USP39: variants seen among roughly 807,000 people sequenced by gnomAD.
USP39 encodes ubiquitin specific peptidase 39.
USP39 carries 38 observed loss-of-function variants against 66.4 expected under a neutral mutation model. The observed-to-expected ratio is 0.57, with a 90% CI of 0.44 to 0.75. The LOEUF (loss-of-function observed/expected upper bound fraction) is 0.75. USP39 is among the 30% of genes least tolerant of loss of function. The pLI is 0.00. For missense variants in USP39, 608 were observed against 714.4 expected (o/e 0.85, Z 1.70); for synonymous variants, 303 against 274.6 (o/e 1.10, Z -1.02).
chr2:85,611,934 C>T (rs759213616), upstream of USP39: 9 of 1,585,756 alleles, frequency 5.7e-6, no homozygotes, highest in South Asian at 1.1e-5. Flanking sequence ...TGTCCAGCCG[C>T]CCCCCAGGCT....
intron 11 of USP39, 185 bp downstream of exon 11, chr2:85,645,268 C>A: frequency 1.5e-6 from 1 of 650,434 alleles, no homozygotes; most frequent in Non-Finnish European, 2.5e-6. Context: ...ATTGGACTCA[C>A]CTTGGGAGCT....
chr2:85,612,006 C>G (rs1179701379), upstream of USP39: 8 of 1,483,226 alleles, frequency 5.4e-6, no homozygotes, highest in Non-Finnish European at 7.1e-6. Context: ...GACGCAGAGT[C>G]GCCGCCGCCT....
At chr2:85,647,660 A>G (rs79302333) in intron 11 of USP39, among the ~76,000 whole-genome samples, 2 of 148,780 alleles carry the variant, frequency 1.3e-5, no homozygotes, top group Non-Finnish European at 1.5e-5. Flanking sequence ...CCCTGTCTCA[A>G]AAAAAAAAAA....
At chr2:85,622,122 A>ATT in intron 3 of USP39, among the ~76,000 whole-genome samples, 1 of 141,426 alleles carries the variant, frequency 7.1e-6, no homozygotes. Context: ...GCCCGGCCTA[A>ATT]TTTTTTTTTT....
intron 12 of USP39, 114 bp downstream of exon 12, chr2:85,648,130 T>C (rs1434358484): frequency 1.9e-6 from 2 of 1,065,634 alleles, no homozygotes; most frequent in Admixed American, 3.9e-5. Flanking sequence ...GAGGGCCAGG[T>C]ACCTATTGGG....
upstream of USP39, chr2:85,609,622 G>C (rs770826758): frequency 1.9e-6 from 3 of 1,612,380 alleles, no homozygotes; most frequent in Non-Finnish European, 2.5e-6. Flanking sequence ...AGAAGAGGGG[G>C]GGTGCTGCTG....
chr2:85,617,607 A>G (rs1000382429), intron 1 of USP39, among the ~76,000 whole-genome samples: 29 of 152,190 alleles, frequency 1.9e-4, no homozygotes, highest in Admixed American at 9.2e-4. Flanking sequence ...AGGATGAGGT[A>G]GAGTTCAAGA....
chr2:85,627,643 A>T (rs1674976173), intron 5 of USP39, among the ~76,000 whole-genome samples: 1 of 151,808 alleles, frequency 6.6e-6, no homozygotes, highest in African/African-American at 2.4e-5. Context: ...AAAAAAAAAA[A>T]AATTAGCTGG....
upstream of USP39, among the ~76,000 whole-genome samples, chr2:85,615,148 G>GT (rs2104194562): frequency 6.6e-6 from 1 of 152,240 alleles, no homozygotes; most frequent in Admixed American, 6.5e-5. Context: ...AGCCTCCTAA[G>GT]TAGCTGGGTT....
chr2:85,639,461 T>C, intron 9 of USP39, 70 bp downstream of exon 9: 2 of 1,486,808 alleles, frequency 1.3e-6, no homozygotes, highest in Non-Finnish European at 1.8e-6. Context: ...TTTCTTTTTT[T>C]TTTTTTTTTC....
At chr2:85,612,174 G>A (rs1409684646), upstream of USP39, 10 of 925,342 alleles carry the variant, frequency 1.1e-5, no homozygotes, top group East Asian at 2.6e-4. Context: ...GTGGAGTAGG[G>A]TATGCTTGAC....
At chr2:85,612,232 T>C (rs1020119807), upstream of USP39, 1 of 1,337,160 alleles carries the variant, frequency 7.5e-7, no homozygotes, top group East Asian at 2.5e-5. Context: ...TTTTTGTTTG[T>C]TTTTTCGTAA....
intron 7 of USP39, among the ~76,000 whole-genome samples, chr2:85,636,909 G>C (rs552454371): frequency 2.0e-5 from 3 of 152,272 alleles, no homozygotes; most frequent in Admixed American, 2.0e-4. Context: ...CTAGAACTTG[G>C]TTGTGCTTTC....
intron 5 of USP39, among the ~76,000 whole-genome samples, chr2:85,629,180 C>T (rs1171268167): frequency 6.6e-6 from 1 of 151,990 alleles, no homozygotes; most frequent in Non-Finnish European, 1.5e-5. Flanking sequence ...TCTCCTGCCT[C>T]AGCCTCCCGA....
intron 11 of USP39, 77 bp from the exon 12 acceptor site, chr2:85,647,853 C>A: frequency 1.4e-6 from 2 of 1,385,124 alleles, no homozygotes; most frequent in South Asian, 1.2e-5. Flanking sequence ...TTTTTCTAGT[C>A]TTGGCTATGA....
chr2:85,620,579 A>G (rs1000359), intron 2 of USP39, among the ~76,000 whole-genome samples: 47 of 152,182 alleles, frequency 3.1e-4, no homozygotes, highest in Non-Finnish European at 6.0e-4. Context: ...TGAATTTTAA[A>G]TTTTATTTAA....
intron 10 of USP39, among the ~76,000 whole-genome samples, 168 bp downstream of exon 10, chr2:85,641,286 C>T (rs924049796): frequency 6.6e-6 from 1 of 152,172 alleles, no homozygotes; most frequent in Admixed American, 6.6e-5. Context: ...ATTTCAGGGA[C>T]CACAAAAGAT....
rs991372172 is a variant in USP39, at chr2:85,641,217, A to C, written c.1427+99A>C. On this transcript the variant is annotated intron_variant, in intron 10 of 12. Coordinates refer to ENST00000323701, the MANE Select transcript of USP39 (RefSeq NM_006590.4). ...TAATTTTGGACTGTCTTAGTTGGGG[A>C]TTACAAGGAACAGAGCCTACCTACA... is the stretch of plus-strand genomic sequence containing the variant. The C allele has an allele frequency of 6.8e-6, 10 of 1,473,726 alleles. No individual in the cohort carries two copies. In the African/African-American group the frequency reaches 1.3e-4, roughly 19 times the overall value. 91.3% of individuals were successfully genotyped at this position (1,473,726 alleles called of 1,614,324 possible).
chr2:85,638,032 C>CT (rs1558868923), intron 8 of USP39, among the ~76,000 whole-genome samples: 1 of 148,976 alleles, frequency 6.7e-6, no homozygotes, highest in African/African-American at 2.5e-5. Context: ...TAGAGCTTTT[C>CT]TTTTTTGAGA....
Sources: gnomAD v4.1 joint callset for allele counts (sites outside exome capture counted in the v4.1 genomes callset) on GRCh38, gnomAD v4.1.1 for gene constraint, MANE v1.5 for transcripts, NCBI Gene and HGNC (gene_info 2026-07-23, HGNC 2026-07-21) for gene names.